The following TF variants were observed in gnomAD, a reference collection of about 807,000 sequenced individuals.
TF encodes the protein serotransferrin.
In TF, 55 loss-of-function variants were observed where a neutral mutation model predicts 82.4. The observed-to-expected ratio is 0.67, with a 90% CI of 0.54 to 0.84. The LOEUF is 0.84. Ranked by LOEUF, TF falls within the 40% of genes least tolerant of loss-of-function variation. TF has a pLI of 0.00. For missense variants in TF, 737 were observed against 868.4 expected, an observed-to-expected ratio of 0.85 and a Z score of 1.90; for synonymous variants, 332 against 332.6, an observed-to-expected ratio of 1.00 and a Z score of 0.02.
the TF span, among the ~76,000 whole-genome samples, chr3:133,663,351 ATTTT>A: frequency 7.8e-6 from 1 of 128,054 alleles, no homozygotes; most frequent in Non-Finnish European, 1.6e-5. Flanking sequence ...AATATCATTA[ATTTT>A]TTTTTTTTTT....
chr3:133,741,754 C>G (rs922714966), upstream of TF, among the ~76,000 whole-genome samples: 1 of 152,140 alleles, frequency 6.6e-6, no homozygotes, highest in African/African-American at 2.4e-5. Flanking sequence ...GCTTACATTC[C>G]TGGAATAAAC....
the TF span, among the ~76,000 whole-genome samples, chr3:133,663,571 GT>G: frequency 6.6e-6 from 1 of 152,070 alleles, no homozygotes; most frequent in Non-Finnish European, 1.5e-5. Flanking sequence ...GCACTTTACA[GT>G]TAACATGGGA....
the TF span, among the ~76,000 whole-genome samples, chr3:133,687,406 T>G: frequency 6.6e-6 from 1 of 152,152 alleles, no homozygotes; most frequent in Non-Finnish European, 1.5e-5. Flanking sequence ...GAAGCTTTCT[T>G]TTTTTCTTCC....
rs1473932826 is a variant in TF, at chr3:133,761,249, A to G, written c.1203+1920A>G. 6 of 210,894 alleles carry G rather than the reference A, an allele frequency of 2.8e-5. No individual in the cohort carries two copies. The East Asian group carries it at 6.7e-4, about 24-fold the overall frequency. 13.1% of individuals were successfully genotyped at this position (210,894 alleles called of 1,614,324 possible). Reference sequence around the variant, plus strand: ...CCCAGACTGGAGGAGGAAGATGACTACATTGGATATTTACCTGTGGCCCAT... The same window carrying G: ...CCCAGACTGGAGGAGGAAGATGACTGCATTGGATATTTACCTGTGGCCCAT... On this transcript the variant is annotated intron_variant, in intron 9 of 16. Coordinates refer to ENST00000402696, the MANE Select transcript of TF (RefSeq NM_001063.4).
chr3:133,708,288 A>T, the TF span, among the ~76,000 whole-genome samples: 1 of 152,228 alleles, frequency 6.6e-6, no homozygotes, highest in Non-Finnish European at 1.5e-5. Context: ...ATTATTGAGG[A>T]GGAATAAAGC....
In TF at chr3:133,778,568, C is replaced by G. The variant is rs773500983; in HGVS notation, c.2063-18C>G. On this transcript the variant is annotated intron_variant, in intron 16 of 16. Transcript: ENST00000402696. ...TAGGAAGATTTTGAAAATCCTACCT[C>G]TCTGCTCTGCTCCACAGCACTCCTG... is the stretch of plus-strand genomic sequence containing the variant. 6.2e-7 allele frequency: 1 copy of G among 1,612,596 alleles called. No individual in the cohort carries two copies. Among genetic ancestry groups the G allele is most frequent in the East Asian group, 2.2e-5 (1 of 44,808 alleles).
chr3:133,704,393 T>C, the TF span: 1 of 200,844 alleles, frequency 5.0e-6, no homozygotes, highest in South Asian at 9.8e-5. Context: ...GATGAGGAAA[T>C]AACTTAGTTT....
intron 15 of TF, among the ~76,000 whole-genome samples, chr3:133,776,485 A>G (rs1934394493): frequency 6.6e-6 from 1 of 152,232 alleles, no homozygotes; most frequent in Non-Finnish European, 1.5e-5. Flanking sequence ...GGTACATGAC[A>G]ATAATAAGCA....
At chr3:133,764,406 C>A in intron 10 of TF, 131 bp downstream of exon 10, 1 of 767,394 alleles carries the variant, frequency 1.3e-6, no homozygotes, top group Non-Finnish European at 2.3e-6. Context: ...TCCTACTTTG[C>A]AAGCTCTGGG....
At position 133,790,297 on chromosome 3, in the gene TF, G is replaced by A. The variant is rs972890792; in HGVS notation, c.*11677G>A. On this transcript the variant is annotated 3_prime_UTR_variant, in exon 17 of 17. Coordinates refer to ENST00000402696, the MANE Select transcript of TF (RefSeq NM_001063.4). ...TAAATTCCCATATCTGATAGTTCAG[G>A]ATTTCTAGCTTTTTAGCGTTTCACT... The A allele has an allele frequency of 6.6e-6, 1 of 152,178 alleles. No homozygotes were observed. Among genetic ancestry groups the A allele is most frequent in the African/African-American group, 2.4e-5 (1 of 41,456 alleles). 9.4% of individuals were successfully genotyped at this position (152,178 alleles called of 1,614,324 possible).
At chr3:133,679,173 C>T in the TF span, among the ~76,000 whole-genome samples, 13 of 151,920 alleles carry the variant, frequency 8.6e-5, no homozygotes, top group African/African-American at 2.9e-4. Flanking sequence ...ACCCGGCCAG[C>T]CCAGCTAACT....
the TF span, among the ~76,000 whole-genome samples, chr3:133,678,851 T>TTTTTGTTTTGTTTTG: frequency 8.5e-4 from 127 of 149,440 alleles, 2 homozygotes; most frequent in East Asian, 0.012. Flanking sequence ...GCCCAGCTAT[T>TTTTTGTTTTGTTTTG]TTTTGTTTTG....
the TF span, among the ~76,000 whole-genome samples, chr3:133,687,417 T>G: frequency 6.6e-6 from 1 of 152,322 alleles, no homozygotes; most frequent in Non-Finnish European, 1.5e-5. Context: ...TTTTTCTTCC[T>G]TTTTGAGATG....
the TF span, among the ~76,000 whole-genome samples, chr3:133,672,318 T>C: frequency 2.0e-5 from 3 of 152,214 alleles, no homozygotes; most frequent in Non-Finnish European, 4.4e-5. Flanking sequence ...TTACACAGTA[T>C]CTTCCAGAGA....
intron 5 of TF, chr3:133,755,734 GC>G (rs1933808142): frequency 1.7e-6 from 1 of 579,960 alleles, no homozygotes; most frequent in Non-Finnish European, 3.1e-6. Context: ...TCTCCCCAGA[GC>G]CCTCAAGCCT....
At chr3:133,664,796 C>T in the TF span, 2 of 151,710 alleles carry the variant, frequency 1.3e-5, no homozygotes, top group Non-Finnish European at 2.9e-5. Context: ...TTTTGATCCC[C>T]GGTTGGTTGA....
At chr3:133,692,067 GTA>G in the TF span, among the ~76,000 whole-genome samples, 6 of 152,240 alleles carry the variant, frequency 3.9e-5, no homozygotes, top group Admixed American at 3.3e-4. Flanking sequence ...TGGCTGTAGG[GTA>G]TCTCCAGCCT....
Position 133,759,179 on chromosome 3 carries a change from A to G in TF, c.1053A>G (p.Pro351=). The change falls in exon 9 of 17, where the codon CCA becomes CCG. Residue 351 remains proline, a synonymous_variant. Coordinates refer to ENST00000402696, the MANE Select transcript of TF (RefSeq NM_001063.4). ...AIRNLREGTC[P]EAPTDECKPV... is the part of the protein sequence containing the mutation. ...TGTTCTTTTTTTATGCCATAGGCCC[A>G]GAAGCCCCAACAGATGAATGCAAGC... 6.2e-7 allele frequency: 1 copy of G among 1,614,110 alleles called. No individual in the cohort carries two copies. Among genetic ancestry groups the G allele is most frequent in the Non-Finnish European group, 8.5e-7 (1 of 1,180,032 alleles).
the TF span, among the ~76,000 whole-genome samples, chr3:133,670,762 A>G: frequency 1.4e-4 from 22 of 152,312 alleles, no homozygotes; most frequent in African/African-American, 4.6e-4. Context: ...ACAAGAAAAA[A>G]GTGATCTCTG....
Sources: gnomAD v4.1 joint callset for allele counts (sites outside exome capture counted in the v4.1 genomes callset) on GRCh38, gnomAD v4.1.1 for gene constraint, MANE v1.5 for transcripts, NCBI Gene and HGNC (gene_info 2026-07-23, HGNC 2026-07-21) for gene names.